The following GCNT2 variants were observed in gnomAD, a reference collection of about 807,000 sequenced individuals.
GCNT2 encodes N-acetyllactosaminide beta-1,6-N-acetylglucosaminyl-transferase.
In GCNT2, 34 loss-of-function variants were observed where a neutral mutation model predicts 34.2. The observed-to-expected ratio is 1.00, with a 90% CI of 0.76 to 1.32. GCNT2 has a LOEUF of 1.32. Among genes scored for constraint, GCNT2 ranks in the 40% most tolerant of loss-of-function variants. The pLI, the probability that GCNT2 is intolerant of heterozygous loss-of-function variation, is 0.00. For synonymous variants in GCNT2, 212 were observed against 188.0 expected (o/e 1.13, Z -1.04); for missense variants, 584 against 489.4 (o/e 1.19, Z -1.82).
intron 3 of GCNT2, among the ~76,000 whole-genome samples, chr6:10,553,794 T>G (rs1267723300): frequency 6.6e-6 from 1 of 152,210 alleles, no homozygotes; most frequent in Non-Finnish European, 1.5e-5. Context: ...CTTGTGAGGC[T>G]GAGGCAGGAG....
chr6:10,555,286 G>A (rs1762644845), intron 3 of GCNT2, among the ~76,000 whole-genome samples: 1 of 152,046 alleles, frequency 6.6e-6, no homozygotes, highest in Non-Finnish European at 1.5e-5. Context: ...ATTAGTTGGT[G>A]GGAAAGTGGA....
chr6:10,535,610 G>A (rs1761716998), intron 3 of GCNT2, among the ~76,000 whole-genome samples: 1 of 152,174 alleles, frequency 6.6e-6, no homozygotes, highest in Admixed American at 6.5e-5. Context: ...GGTCATGTGT[G>A]CCTTGAATTT....
At chr6:10,593,746 C>T (rs1488392725) in intron 3 of GCNT2, among the ~76,000 whole-genome samples, 1 of 152,062 alleles carries the variant, frequency 6.6e-6, no homozygotes, top group Non-Finnish European at 1.5e-5. Context: ...ATATCAATGT[C>T]CATAGTACAA....
chr6:10,569,027 G>A (rs1017795940), intron 3 of GCNT2, among the ~76,000 whole-genome samples: 11 of 151,860 alleles, frequency 7.2e-5, no homozygotes, highest in Admixed American at 2.6e-4. Flanking sequence ...TGTGAATATC[G>A]TATTACCGCG....
At chr6:10,524,253 T>TTTTTTTTTTTTTTTTAA (rs1333425547) in intron 1 of GCNT2, among the ~76,000 whole-genome samples, 2 of 136,384 alleles carry the variant, frequency 1.5e-5, no homozygotes, top group Non-Finnish European at 3.2e-5. Flanking sequence ...ATCCAGGGCT[T>TTTTTTTTTTTTTTTTAA]TTTTTTTTTT....
At chr6:10,576,679 G>A (rs1169460291) in intron 3 of GCNT2, among the ~76,000 whole-genome samples, 1 of 151,640 alleles carries the variant, frequency 6.6e-6, no homozygotes, top group Non-Finnish European at 1.5e-5. Flanking sequence ...GACAGAAAGA[G>A]ATTTGGGGAG....
At chr6:10,561,900 C>A (rs1408773872) in intron 3 of GCNT2, among the ~76,000 whole-genome samples, 3 of 150,480 alleles carry the variant, frequency 2.0e-5, no homozygotes, top group Non-Finnish European at 3.0e-5. Context: ...TTTTTTAATT[C>A]TAAAAATATC....
intron 3 of GCNT2, chr6:10,586,229 G>T (rs1764336643): frequency 1.9e-6 from 3 of 1,614,156 alleles, no homozygotes; most frequent in Non-Finnish European, 2.5e-6. Flanking sequence ...ACCTGACCCA[G>T]AATCACTACA....
intron 1 of GCNT2, among the ~76,000 whole-genome samples, chr6:10,526,588 G>C (rs1761199339): frequency 6.6e-6 from 1 of 151,994 alleles, no homozygotes; most frequent in Non-Finnish European, 1.5e-5. Flanking sequence ...TTTTTTATTA[G>C]AGATGGGGCC....
At chr6:10,539,377 C>A (rs372961355) in intron 3 of GCNT2, among the ~76,000 whole-genome samples, 10 of 151,552 alleles carry the variant, frequency 6.6e-5, no homozygotes, top group African/African-American at 2.4e-4. Flanking sequence ...TTAGTAGAGA[C>A]GGGGTTTCTC....
intron 3 of GCNT2, among the ~76,000 whole-genome samples, chr6:10,617,391 G>T (rs1765826183): frequency 6.6e-6 from 1 of 152,136 alleles, no homozygotes; most frequent in Middle Eastern, 3.2e-3. Context: ...TCCCGCCGGC[G>T]CCTCTCTCTC....
rs145828507 is a variant in GCNT2, at chr6:10,573,237, C to A, written c.925+43401C>A. The A allele has an allele frequency of 5.2e-4, 512 of 984,242 alleles. 5 individuals are homozygous for A. In the African/African-American group the frequency reaches 7.3e-3, roughly 14 times the overall value. The allele number at this position is 984,242 out of a possible 1,614,324, so 61.0% of individuals were successfully genotyped here. A position where few individuals can be genotyped will look rare whatever the true frequency, so the allele number is the denominator to read the frequency against. ...TTCTCAACTTCTTTTTCCTCGGATG[C>A]GACATTCGGAATCAGAGAAAAGTTG... On this transcript the variant is annotated intron_variant, in intron 3 of 4. Coordinates refer to ENST00000495262, the MANE Select transcript of GCNT2 (RefSeq NM_145649.5).
Position 10,626,928 on chromosome 6 carries a change from C to G in GCNT2, c.*321C>G, listed in dbSNP as rs1428149145. The G allele has an allele frequency of 6.4e-6, 2 of 312,540 alleles. No individual in the cohort carries two copies. The highest frequency in any genetic ancestry group is 6.1e-6 in the Non-Finnish European group (1 of 164,306). 19.4% of individuals were successfully genotyped at this position (312,540 alleles called of 1,614,324 possible). On this transcript the variant is annotated 3_prime_UTR_variant, in exon 5 of 5. Transcript: ENST00000495262. ...CTTTGCACCAGATACTCATCATATACAAATGTTTTAGTAAAAAAGAGAATT... is the reference window on the plus strand; with the variant it reads ...CTTTGCACCAGATACTCATCATATAGAAATGTTTTAGTAAAAAAGAGAATT...
chr6:10,590,827 C>T (rs558431171), intron 3 of GCNT2, among the ~76,000 whole-genome samples: 1 of 152,336 alleles, frequency 6.6e-6, no homozygotes, highest in African/African-American at 2.4e-5. Flanking sequence ...GCTGGGATTA[C>T]AGGCATGAGC....
chr6:10,535,837 T>C (rs1266640997), intron 3 of GCNT2, among the ~76,000 whole-genome samples: 2 of 152,140 alleles, frequency 1.3e-5, no homozygotes, highest in Non-Finnish European at 2.9e-5. Flanking sequence ...TGGTGGGTGA[T>C]TGAGGGCCCG....
At chr6:10,590,644 C>CTCA (rs1427385571) in intron 3 of GCNT2, among the ~76,000 whole-genome samples, 1 of 151,692 alleles carries the variant, frequency 6.6e-6, no homozygotes, top group African/African-American at 2.4e-5. Context: ...ACCTCCGCCT[C>CTCA]TCAGGTTCAA....
intron 3 of GCNT2, among the ~76,000 whole-genome samples, chr6:10,561,390 G>A (rs543675823): frequency 3.3e-5 from 5 of 152,272 alleles, no homozygotes; most frequent in South Asian, 2.1e-4. Context: ...TCGAACTCCC[G>A]ACCTCAGCCG....
At position 10,580,199 on chromosome 6, in the gene GCNT2, C is replaced by G. The variant is rs1370403555; in HGVS notation, c.926-41152C>G. On this transcript the variant is annotated intron_variant, in intron 3 of 4. Transcript: ENST00000495262. ...TTTCTGATAAAATTCAGGTTTCTCACTTCTCTGAATACACTGGAAAAGCTG... is the reference window on the plus strand; with the variant it reads ...TTTCTGATAAAATTCAGGTTTCTCAGTTCTCTGAATACACTGGAAAAGCTG... Among the ~76,000 whole-genome samples the G allele has an allele frequency of 2.6e-5, 4 of 151,896 alleles. No homozygotes were observed. The South Asian group carries it at 8.3e-4, about 32-fold the overall frequency.
At chr6:10,598,663 A>G (rs1764958964) in intron 3 of GCNT2, among the ~76,000 whole-genome samples, 1 of 152,334 alleles carries the variant, frequency 6.6e-6, no homozygotes, top group Non-Finnish European at 1.5e-5. Flanking sequence ...TTCTTAATGT[A>G]GCACATTTCC....
Sources: gnomAD v4.1 joint callset for allele counts (sites outside exome capture counted in the v4.1 genomes callset) on GRCh38, gnomAD v4.1.1 for gene constraint, MANE v1.5 for transcripts, NCBI Gene and HGNC (gene_info 2026-07-23, HGNC 2026-07-21) for gene names.